Variants in NHSL1 observed in about 807,000 individuals in gnomAD.
The protein encoded by NHSL1 is NHS-like protein 1.
NHSL1 carries 48 observed loss-of-function variants against 95.0 expected under a neutral mutation model. That is an observed-to-expected ratio of 0.51 (90% confidence interval 0.40 to 0.64). The LOEUF is 0.64. NHSL1 is among the 30% of genes least tolerant of loss of function. NHSL1 has a pLI of 0.00. For synonymous variants in NHSL1, 783 were observed against 833.9 expected, an observed-to-expected ratio of 0.94 and a Z score of 1.05; for missense variants, 1,971 against 2,077.7, an observed-to-expected ratio of 0.95 and a Z score of 1.00.
intron 1 of NHSL1, among the ~76,000 whole-genome samples, chr6:138,559,456 C>A (rs926629254): frequency 2.0e-5 from 3 of 152,202 alleles, no homozygotes; most frequent in African/African-American, 7.2e-5. Context: ...GAGGGGAACT[C>A]AGAAAAGGAC....
chr6:138,449,194 G>A (rs145499496), intron 3 of NHSL1, among the ~76,000 whole-genome samples: 26 of 152,248 alleles, frequency 1.7e-4, no homozygotes, highest in African/African-American at 5.8e-4. Flanking sequence ...TTAGGCAAGA[G>A]CTAATGAAAA....
Position 138,499,325 on chromosome 6 carries a change from A to C in NHSL1, c.-35T>G. 6.5e-7 allele frequency: 1 copy of C among 1,548,824 alleles called. No homozygotes were observed. The highest frequency in any genetic ancestry group is 8.7e-7 in the Non-Finnish European group (1 of 1,145,326). On this transcript the variant is annotated 5_prime_UTR_variant, in exon 1 of 8. Coordinates refer to ENST00000343505, the MANE Select transcript of NHSL1 (RefSeq NM_001144060.2). ...ACCTACATAGAGCTTAGAAATGTAAATCACATTAAAAGCTCAGCCCAGTAG... is the reference window on the plus strand; with the variant it reads ...ACCTACATAGAGCTTAGAAATGTAACTCACATTAAAAGCTCAGCCCAGTAG...
intron 1 of NHSL1, among the ~76,000 whole-genome samples, chr6:138,563,251 A>T (rs1407521142): frequency 2.0e-5 from 3 of 152,236 alleles, no homozygotes; most frequent in African/African-American, 7.2e-5. Flanking sequence ...GTGTCTCGCC[A>T]CGGTAAACAT....
chr6:138,536,321 C>T (rs1782341938), intron 1 of NHSL1, among the ~76,000 whole-genome samples: 1 of 152,078 alleles, frequency 6.6e-6, no homozygotes. Context: ...AAATAACATA[C>T]AAATAAGGAT....
At chr6:138,555,132 C>CA (rs1294719077) in intron 1 of NHSL1, among the ~76,000 whole-genome samples, 6 of 152,190 alleles carry the variant, frequency 3.9e-5, no homozygotes, top group Admixed American at 3.3e-4. Context: ...GTGCGGCCCA[C>CA]AAAAACAGCT....
At chr6:138,561,581 T>C (rs556229335) in intron 1 of NHSL1, among the ~76,000 whole-genome samples, 1 of 152,316 alleles carries the variant, frequency 6.6e-6, no homozygotes, top group African/African-American at 2.4e-5. Flanking sequence ...ACATTGACTT[T>C]GGGAAAGGGT....
chr6:138,580,342 G>C (rs943555450), intron 1 of NHSL1, among the ~76,000 whole-genome samples: 3 of 152,040 alleles, frequency 2.0e-5, no homozygotes, highest in African/African-American at 7.2e-5. Context: ...TCAACATACT[G>C]CAAAAAAAGA....
intron 3 of NHSL1, among the ~76,000 whole-genome samples, chr6:138,449,052 C>CAAAAAAAAAAAAAAAAAAAAAA (rs545496586): frequency 1.1e-5 from 1 of 88,440 alleles, no homozygotes; most frequent in Non-Finnish European, 2.5e-5. Flanking sequence ...AATTCTGTCT[C>CAAAAAAAAAAAAAAAAAAAAAA]AAAAAAAAAA....
At chr6:138,437,443 CACAAAA>C (rs1233106862) in intron 5 of NHSL1, among the ~76,000 whole-genome samples, 42 of 41,598 alleles carry the variant, frequency 1.0e-3, no homozygotes, top group African/African-American at 3.4e-3. Context: ...CACACACACA[CACAAAA>C]AAAAAAAAAA....
At chr6:138,670,328 T>A (rs963574396) in intron 1 of NHSL1, among the ~76,000 whole-genome samples, 1 of 146,522 alleles carries the variant, frequency 6.8e-6, no homozygotes, top group African/African-American at 2.5e-5. Flanking sequence ...GGAAAAGAGA[T>A]CTAAACAGAA....
chr6:138,669,481 T>C, intron 1 of NHSL1, among the ~76,000 whole-genome samples: 1 of 152,112 alleles, frequency 6.6e-6, no homozygotes, highest in East Asian at 1.9e-4. Flanking sequence ...AGAGGTGAAT[T>C]GATTTTCTTG....
rs1403542396 is a variant in NHSL1 at position 138,424,732 on chromosome 6, G to C, written c.4170C>G (p.Thr1390=). 1.9e-6 allele frequency: 3 copies of C among 1,551,060 alleles called. No homozygotes were observed. The highest frequency in any genetic ancestry group is 2.7e-5 in the African/African-American group (2 of 73,016). ...GAGAGGCCAGGCTTGGGGCAGCGCC[G>C]GTGGGTGTCACGGGCGGGGAGGGAG... ...NHSPSPPVTP[T]GAAPSLASPK... is the part of the protein sequence containing the mutation. Residue 1390 remains threonine (T), a synonymous_variant, in exon 8 of 8, where the codon ACC becomes ACG. Transcript: ENST00000343505. This position sits in a 1 kb window ranked among gnomAD's most constrained non-coding sequence, Gnocchi z 5.9.
rs552056183 is a variant in NHSL1 at position 138,556,469 on chromosome 6, AT to A, written c.202+15240del. 7.8e-4 allele frequency among the ~76,000 whole-genome samples: 119 copies of A among 151,708 alleles called. No individual in the cohort carries two copies. In the East Asian group the frequency reaches 0.02, roughly 25 times the overall value. On this transcript the variant is annotated intron_variant, in intron 1 of 6. Coordinates refer to the NHSL1 transcript ENST00000427025. The stretch of plus-strand genomic sequence containing the variant: ...TGAGCCCCATTTCTTGAGTCACAGA[AT>A]TTTCTGTAATCTCTATTTTCAATTA...
intron 1 of NHSL1, among the ~76,000 whole-genome samples, chr6:138,617,943 C>A (rs142183132): frequency 1.3e-5 from 2 of 152,278 alleles, no homozygotes; most frequent in East Asian, 3.9e-4. Context: ...TGGGACCTCA[C>A]CACCAAACAT....
intron 1 of NHSL1, among the ~76,000 whole-genome samples, chr6:138,687,754 A>G (rs1471669006): frequency 6.6e-6 from 1 of 152,230 alleles, no homozygotes; most frequent in Non-Finnish European, 1.5e-5. Flanking sequence ...ACATGATTCC[A>G]TCTGTATGAA....
intron 2 of NHSL1, among the ~76,000 whole-genome samples, chr6:138,482,073 A>G (rs1361691149): frequency 6.6e-6 from 1 of 152,230 alleles, no homozygotes; most frequent in African/African-American, 2.4e-5. Context: ...GAGAGGGCCA[A>G]TATGAAAGTA....
intron 1 of NHSL1, among the ~76,000 whole-genome samples, chr6:138,506,804 A>G (rs1292134587): frequency 6.6e-6 from 1 of 152,202 alleles, no homozygotes; most frequent in Non-Finnish European, 1.5e-5. Context: ...AAAAGTTAAT[A>G]CAATTATAAT....
intron 1 of NHSL1, among the ~76,000 whole-genome samples, chr6:138,563,691 T>C (rs1224538776): frequency 6.6e-6 from 1 of 152,112 alleles, no homozygotes; most frequent in Admixed American, 6.6e-5. Context: ...CATTTTACAG[T>C]GTGGAGGAGA....
At chr6:138,495,393 TACCCCAGTTCTGATAA>T (rs1191510840) in intron 2 of NHSL1, among the ~76,000 whole-genome samples, 1 of 152,234 alleles carries the variant, frequency 6.6e-6, no homozygotes, top group Non-Finnish European at 1.5e-5. Context: ...AGTTGGGTGA[TACCCCAGTTCTGATAA>T]ATCAAACCAT....
Sources: gnomAD v4.1 joint callset for allele counts (sites outside exome capture counted in the v4.1 genomes callset) on GRCh38, gnomAD v4.1.1 for gene constraint, Gnocchi (gnomAD v3.1) non-coding constraint, MANE v1.5 for transcripts, NCBI Gene and HGNC (gene_info 2026-07-23, HGNC 2026-07-21) for gene names.